Variants in ADD1 observed in about 807,000 individuals in gnomAD.
ADD1 encodes the protein alpha-adducin.
Under a neutral mutation model 80.5 loss-of-function variants are expected in ADD1, and 24 were observed. The ratio of observed to expected loss-of-function variants is 0.30; its 90% CI spans 0.22 to 0.42. The LOEUF (loss-of-function observed/expected upper bound fraction) is 0.42. Ranked by LOEUF, ADD1 falls within the 10% of genes least tolerant of loss-of-function variation. The pLI is 1.00. For missense variants in ADD1, 948 were observed against 1,019.0 expected (o/e 0.93, Z 0.95); for synonymous variants, 373 against 393.8 (o/e 0.95, Z 0.63).
chr4:2,906,799 C>T (rs565573297), intron 10 of ADD1, among the ~76,000 whole-genome samples: 1 of 152,286 alleles, frequency 6.6e-6, no homozygotes, highest in South Asian at 2.1e-4. Flanking sequence ...AGCTCCATGC[C>T]CATTCCACAC....
chr4:2,855,057 G>A (rs1727862191), intron 1 of ADD1: 1 of 152,062 alleles, frequency 6.6e-6, no homozygotes, highest in African/African-American at 2.4e-5. Context: ...TCTTCTGTGT[G>A]GTTAAATCTC....
intron 1 of ADD1, among the ~76,000 whole-genome samples, chr4:2,863,363 T>G (rs999344648): frequency 6.6e-6 from 1 of 151,986 alleles, no homozygotes; most frequent in African/African-American, 2.4e-5. Flanking sequence ...AAGGCTTTAC[T>G]TGGAATTTTT....
chr4:2,885,611 CCTT>C (rs1733129337), intron 4 of ADD1, among the ~76,000 whole-genome samples: 1 of 151,884 alleles, frequency 6.6e-6, no homozygotes, highest in African/African-American at 2.4e-5. Context: ...ACCCTTCCTG[CCTT>C]CTTTTTTTTT....
rs1344652511 is a variant in ADD1 at position 2,899,239 on chromosome 4, CTG to C, written c.985-12_985-11del. 3.8e-6 allele frequency: 6 copies of C among 1,596,220 alleles called. No individual in the cohort carries two copies. The highest frequency in any genetic ancestry group is 3.4e-5 in the South Asian group (3 of 89,152). Reference sequence around the variant, plus strand: ...ATCTCAGTAAGGAACTCAAGCCATGCTGTGTGTGTTTTGGAAAAGGTTCGAAC... The same window carrying C: ...ATCTCAGTAAGGAACTCAAGCCATGCTGTGTGTTTTGGAAAAGGTTCGAAC... On this transcript the variant is annotated intron_variant, in intron 8 of 15. Coordinates refer to ENST00000683351, the MANE Select transcript of ADD1 (RefSeq NM_001354761.2).
At chr4:2,925,388 G>C (rs1740795737) in intron 14 of ADD1, among the ~76,000 whole-genome samples, 1 of 152,222 alleles carries the variant, frequency 6.6e-6, no homozygotes, top group Non-Finnish European at 1.5e-5. Flanking sequence ...AATAAAGACA[G>C]AGATGGAAGG....
chr4:2,886,009 T>G (rs1733308649), intron 4 of ADD1, among the ~76,000 whole-genome samples: 1 of 152,236 alleles, frequency 6.6e-6, no homozygotes, highest in Non-Finnish European at 1.5e-5. Flanking sequence ...TTCCTTCCTT[T>G]GGTTTTGAAA....
chr4:2,883,138 G>T (rs1372164647), intron 3 of ADD1, among the ~76,000 whole-genome samples: 1 of 151,902 alleles, frequency 6.6e-6, no homozygotes, highest in Non-Finnish European at 1.5e-5. Context: ...CTGGGATTAC[G>T]AACATGAGCC....
chr4:2,884,322 A>G (rs746849857), intron 3 of ADD1, among the ~76,000 whole-genome samples, 193 bp from the exon 4 acceptor site: 1 of 152,220 alleles, frequency 6.6e-6, no homozygotes, highest in Non-Finnish European at 1.5e-5. Context: ...TTTACATTTG[A>G]TAAGAAATGT....
At chr4:2,885,028 C>T (rs952478836) in intron 4 of ADD1, among the ~76,000 whole-genome samples, 2 of 152,188 alleles carry the variant, frequency 1.3e-5, no homozygotes, top group African/African-American at 4.8e-5. Flanking sequence ...TCTTCAGCTA[C>T]TCTAGTTTTA....
intron 12 of ADD1, 55 bp from the exon 13 acceptor site, chr4:2,909,284 T>G: frequency 2.8e-6 from 4 of 1,422,328 alleles, no homozygotes; most frequent in Non-Finnish European, 3.9e-6. Flanking sequence ...TGCTCTCAGC[T>G]GATATTTCAC....
At chr4:2,869,315 A>G (rs1021262972) in intron 1 of ADD1, among the ~76,000 whole-genome samples, 3 of 152,182 alleles carry the variant, frequency 2.0e-5, no homozygotes, top group Non-Finnish European at 4.4e-5. Flanking sequence ...CTAGCTCGGT[A>G]GTCGGCAGTC....
At chr4:2,887,888 C>G (rs1005641358) in intron 4 of ADD1, among the ~76,000 whole-genome samples, 4 of 152,072 alleles carry the variant, frequency 2.6e-5, no homozygotes, top group African/African-American at 9.7e-5. Flanking sequence ...TCTATTTTTA[C>G]TTGATGTTTG....
intron 14 of ADD1, among the ~76,000 whole-genome samples, chr4:2,916,749 T>C (rs1156811885): frequency 1.3e-5 from 2 of 152,216 alleles, no homozygotes; most frequent in African/African-American, 4.8e-5. Flanking sequence ...TGTGTTCTAA[T>C]TGTTCAATCC....
chr4:2,867,558 T>C (rs1391982863), intron 1 of ADD1, among the ~76,000 whole-genome samples: 1 of 152,210 alleles, frequency 6.6e-6, no homozygotes, highest in Non-Finnish European at 1.5e-5. Context: ...ATATCTCTCA[T>C]AACATACCAT....
intron 14 of ADD1, among the ~76,000 whole-genome samples, chr4:2,916,592 G>A (rs1739119233): frequency 6.6e-6 from 1 of 152,086 alleles, no homozygotes; most frequent in African/African-American, 2.4e-5. Flanking sequence ...GTGCAGGTTT[G>A]TTACATAGGT....
rs887893561 is a variant in ADD1, at chr4:2,852,062, C to T, written c.-21+8038C>T. Reference sequence around the variant, plus strand: ...CCATGTTGAGGCTGGTCTCGAACTCCTGACCTCAGGTGATCTGCCCGCCTC... The same window carrying T: ...CCATGTTGAGGCTGGTCTCGAACTCTTGACCTCAGGTGATCTGCCCGCCTC... On this transcript the variant is annotated intron_variant, in intron 1 of 15. Coordinates refer to ENST00000683351, the MANE Select transcript of ADD1 (RefSeq NM_001354761.2). Among the ~76,000 whole-genome samples, 22 of 152,212 alleles carry T rather than the reference C, an allele frequency of 1.4e-4. 1 individual carries two copies. Among genetic ancestry groups the T allele is most frequent in the Admixed American group, 1.2e-3 (18 of 15,302 alleles).
At chr4:2,901,739 C>T (rs1353685141) in intron 9 of ADD1, 2 of 151,966 alleles carry the variant, frequency 1.3e-5, no homozygotes, top group Non-Finnish European at 2.9e-5. Flanking sequence ...GAGCTTAAGA[C>T]CAGCCTGGGC....
Position 2,928,186 on chromosome 4 carries a change from C to G in ADD1, c.2063C>G (p.Pro688Arg). ...CACCCACTAGACCTTGTGCCGGAGC[C>G]GACTACTGGAGATGACAGTGATGCT... ...IKLEEDLVPEPTTGDDSDAAT... is the reference protein window; with the variant it reads ...IKLEEDLVPERTTGDDSDAAT... The change falls in exon 16 of 16, where the codon CCG becomes CGG. Residue 688 changes from proline to arginine, a missense_variant. Pro to Arg is a moderately radical substitution (Grantham distance 103). Coordinates refer to ENST00000683351, the MANE Select transcript of ADD1 (RefSeq NM_001354761.2). The G allele has an allele frequency of 1.2e-6, 2 of 1,614,056 alleles. No individual in the cohort carries two copies. The highest frequency in any genetic ancestry group is 2.2e-5 in the East Asian group (1 of 44,870).
At chr4:2,875,232 C>G (rs751434663) in intron 1 of ADD1, among the ~76,000 whole-genome samples, 4 of 151,554 alleles carry the variant, frequency 2.6e-5, no homozygotes, top group Non-Finnish European at 4.4e-5. Context: ...CTGTTCCCCT[C>G]CCCCCGAGAA....
Sources: allele counts gnomAD v4.1 joint callset (sites outside exome capture counted in the v4.1 genomes callset), GRCh38; gene constraint gnomAD v4.1.1; transcripts MANE v1.5; gene names NCBI Gene and HGNC (gene_info 2026-07-23, HGNC 2026-07-21).